The following SYMPK variants were observed in gnomAD, a reference collection of about 807,000 sequenced individuals.
SYMPK encodes the protein symplekin.
Under a neutral mutation model 136.4 loss-of-function variants are expected in SYMPK, and 49 were observed. The ratio of observed to expected loss-of-function variants is 0.36; its 90% CI spans 0.29 to 0.46. The LOEUF (loss-of-function observed/expected upper bound fraction) is 0.46, where lower values mean the gene tolerates loss of function less well. Among genes scored for constraint, SYMPK ranks in the 20% least tolerant of loss-of-function variants. The pLI is 1.00. For missense variants in SYMPK, 1,365 were observed against 1,690.0 expected (o/e 0.81, Z 3.37); for synonymous variants, 766 against 713.0 (o/e 1.07, Z -1.19).
At chr19:45,847,107 T>C (rs1039611920) in intron 7 of SYMPK, among the ~76,000 whole-genome samples, 4 of 152,052 alleles carry the variant, frequency 2.6e-5, no homozygotes, top group African/African-American at 9.7e-5. Flanking sequence ...GTCCTACTTT[T>C]ATAATTTGCA....
rs757154204 is a variant in SYMPK, at chr19:45,838,478, C to T, written c.1225G>A (p.Asp409Asn). ...ATCCTCACCAGATTAGCCACATTAT[C>T]AGGCGTCAGCAGAGGCTGCAGGAAC... is the stretch of plus-strand genomic sequence containing the variant. Reference protein sequence around the residue: ...AEFLQPLLTPDNVANLVLISM... With the variant: ...AEFLQPLLTPNNVANLVLISM... The change falls in exon 10 of 27, where the codon GAT becomes AAT. Residue 409 changes from aspartate to asparagine, a missense_variant. Transcript: ENST00000245934. The T allele has an allele frequency of 5.0e-6, 8 of 1,613,636 alleles. No individual in the cohort carries two copies. Among genetic ancestry groups the T allele is most frequent in the Middle Eastern group, 1.6e-4 (1 of 6,062 alleles).
chr19:45,840,665 A>T (rs368766870), intron 9 of SYMPK, among the ~76,000 whole-genome samples: 3,838 of 143,966 alleles, frequency 0.027, 83 homozygotes, highest in Non-Finnish European at 0.037. Flanking sequence ...CTCCATCTTT[A>T]AAAAAAAAAA....
intron 1 of SYMPK, among the ~76,000 whole-genome samples, chr19:45,860,926 C>T (rs1462572137): frequency 6.6e-6 from 1 of 152,242 alleles, no homozygotes; most frequent in African/African-American, 2.4e-5. Flanking sequence ...TGACCAAAGG[C>T]ATATAGCTTG....
At position 45,821,517 on chromosome 19, in the gene SYMPK, A is replaced by C; in HGVS notation, c.2792-32T>G. ...CAGGCGGGAGGAAGGGTGGGGGAAGACAGTGCGGACGCATAAGTGAAGAGA... is the reference window on the plus strand; with the variant it reads ...CAGGCGGGAGGAAGGGTGGGGGAAGCCAGTGCGGACGCATAAGTGAAGAGA... On this transcript the variant is annotated intron_variant, in intron 21 of 26. Coordinates refer to ENST00000245934, the MANE Select transcript of SYMPK (RefSeq NM_004819.3). This position sits in a 1 kb window ranked among gnomAD's most constrained non-coding sequence, Gnocchi z 4.4. The C allele has an allele frequency of 6.8e-7, 1 of 1,476,992 alleles. No individual in the cohort carries two copies. The highest frequency in any genetic ancestry group is 9.5e-7 in the Non-Finnish European group (1 of 1,057,250). 91.5% of individuals were successfully genotyped at this position (1,476,992 alleles called of 1,614,324 possible).
chr19:45,830,159 G>C lies in SYMPK; in HGVS notation c.1644C>G (p.Asp548Glu). 1.2e-6 allele frequency: 2 copies of C among 1,607,948 alleles called. No individual in the cohort carries two copies. The highest frequency in any genetic ancestry group is 1.7e-4 in the Middle Eastern group (1 of 6,052). Residue 548 changes from aspartate (D) to glutamate (E), a missense_variant, in exon 13 of 27, where the codon GAC becomes GAG. Transcript: ENST00000245934. ...GGGCATCGGTAAGGGGCTTCAGCAC[G>C]TCGCTGAGACGGAAAATTTTCTTGC... ...GGRKKIFRLSDVLKPLTDAQV... is the reference protein window; with the variant it reads ...GGRKKIFRLSEVLKPLTDAQV...
At chr19:45,825,087 G>A (rs1193985741) in intron 18 of SYMPK, 84 bp downstream of exon 18, 2 of 1,529,618 alleles carry the variant, frequency 1.3e-6, no homozygotes, top group African/African-American at 2.7e-5. Flanking sequence ...ACACTCTGAG[G>A]TGGAGCAGGT....
intron 22 of SYMPK, chr19:45,819,640 C>CT (rs1970843928): frequency 6.6e-6 from 1 of 152,302 alleles, no homozygotes; most frequent in Admixed American, 6.5e-5. Flanking sequence ...TCTCCCTGGA[C>CT]TGTAAGCCCT....
intron 7 of SYMPK, among the ~76,000 whole-genome samples, chr19:45,845,391 G>A (rs965136308): frequency 2.0e-5 from 3 of 151,890 alleles, no homozygotes; most frequent in African/African-American, 4.8e-5. Context: ...TCATTCTACC[G>A]TCTGTCTCCA....
rs1263202753 is a variant in SYMPK, at chr19:45,816,586, A to G, written c.3259-9T>C. 6.2e-7 allele frequency: 1 copy of G among 1,613,246 alleles called. No individual in the cohort carries two copies. Among genetic ancestry groups the G allele is most frequent in the Non-Finnish European group, 8.5e-7 (1 of 1,179,940 alleles). ...TTAGGGATGTGAGCTTGCTGGGTGGAGAGCAGGAAGGGGGCGCTGGGGGCA... is the reference window on the plus strand; with the variant it reads ...TTAGGGATGTGAGCTTGCTGGGTGGGGAGCAGGAAGGGGGCGCTGGGGGCA... On this transcript the variant is annotated splice_polypyrimidine_tract_variant and intron_variant, in intron 24 of 26. Transcript: ENST00000245934.
At chr19:45,830,401 T>G in intron 12 of SYMPK, 197 bp from the exon 13 acceptor site, 1 of 609,444 alleles carries the variant, frequency 1.6e-6, no homozygotes, top group Non-Finnish European at 2.8e-6. Flanking sequence ...ATTTTGGTTT[T>G]GCAGAGGGCG....
chr19:45,859,962 A>C (rs1275412185), intron 1 of SYMPK, among the ~76,000 whole-genome samples: 3 of 150,312 alleles, frequency 2.0e-5, no homozygotes, highest in African/African-American at 7.3e-5. Flanking sequence ...CTAAAAAAAA[A>C]AAAAAAAAAA....
chr19:45,835,917 TAAAG>T (rs71340704), intron 10 of SYMPK, among the ~76,000 whole-genome samples: 2,547 of 147,890 alleles, frequency 0.017, 71 homozygotes, highest in African/African-American at 0.06. Context: ...ATCTCATTCA[TAAAG>T]AAAGAAAGAA....
At chr19:45,835,945 G>GAAAGAAAGAAA (rs1971291478) in intron 10 of SYMPK, among the ~76,000 whole-genome samples, 4 of 151,016 alleles carry the variant, frequency 2.6e-5, no homozygotes, top group African/African-American at 9.7e-5. Context: ...AAGAAAGAAA[G>GAAAGAAAGAAA]CAAAAAGAGG....
intron 11 of SYMPK, among the ~76,000 whole-genome samples, chr19:45,834,237 G>A (rs1412378306): frequency 3.9e-5 from 6 of 152,044 alleles, no homozygotes; most frequent in African/African-American, 1.2e-4. Flanking sequence ...GCAGTGAGCC[G>A]AGATCATGCT....
intron 23 of SYMPK, 91 bp from the exon 24 acceptor site, chr19:45,817,065 C>T: frequency 7.6e-7 from 1 of 1,308,892 alleles, no homozygotes; most frequent in Non-Finnish European, 1.0e-6. Context: ...CAAGACCATG[C>T]CCAAATCCCA....
At chr19:45,838,131 T>TC (rs1205778656) in intron 10 of SYMPK, among the ~76,000 whole-genome samples, 2 of 151,904 alleles carry the variant, frequency 1.3e-5, no homozygotes, top group African/African-American at 4.8e-5. Flanking sequence ...TAGCGAGTTG[T>TC]CACAAGATCT....
At chr19:45,828,039 C>T (rs2146311012) in intron 14 of SYMPK, 121 bp from the exon 15 acceptor site, 1 of 870,012 alleles carries the variant, frequency 1.1e-6, no homozygotes, top group Non-Finnish European at 1.9e-6. Flanking sequence ...TTGTTCAAGC[C>T]CCTGCTTATA....
intron 1 of SYMPK, among the ~76,000 whole-genome samples, chr19:45,856,056 T>TA (rs1341714359): frequency 1.3e-5 from 2 of 148,266 alleles, no homozygotes; most frequent in African/African-American, 2.5e-5. Flanking sequence ...GGAAACAGGG[T>TA]AAAAAAAATT....
At position 45,822,833 on chromosome 19, in the gene SYMPK, T is replaced by A. The variant is rs775522588; in HGVS notation, c.2714A>T (p.Gln905Leu). The A allele has an allele frequency of 6.2e-7, 1 of 1,613,808 alleles. No individual in the cohort carries two copies. The highest frequency in any genetic ancestry group is 1.1e-5 in the South Asian group (1 of 91,060). Residue 905 changes from glutamine (Q) to leucine (L), a missense_variant, in exon 21 of 27, where the codon CAG (glutamine) becomes CTG (leucine). By Grantham distance (113) the Gln-to-Leu change is moderately radical. Transcript: ENST00000245934. Reference sequence around the variant, plus strand: ...GAGTTTGATGAGTTTAGGCAGGGCCTGGATCACCTCTTTCTACAGGGAGAA... The same window carrying A: ...GAGTTTGATGAGTTTAGGCAGGGCCAGGATCACCTCTTTCTACAGGGAGAA... ...LNGLEKKEVI[Q>L]ALPKLIKLNP...
Sources: gnomAD v4.1 joint callset for allele counts (sites outside exome capture counted in the v4.1 genomes callset) on GRCh38, gnomAD v4.1.1 for gene constraint, Gnocchi (gnomAD v3.1) non-coding constraint, MANE v1.5 for transcripts, NCBI Gene and HGNC (gene_info 2026-07-23, HGNC 2026-07-21) for gene names.